Variants in ALKBH1 observed in about 807,000 individuals in gnomAD.
ALKBH1 encodes the protein alkB homolog 1, histone H2A dioxygenase, also known as nucleic acid dioxygenase ALKBH1.
A neutral mutation model predicts 36.6 loss-of-function variants in ALKBH1; 31 were observed. The observed-to-expected ratio is 0.85, with a 90% CI of 0.64 to 1.14. ALKBH1 has a LOEUF of 1.14. ALKBH1 is among the 50% of genes most tolerant of loss of function. ALKBH1 has a pLI of 0.00. For synonymous variants in ALKBH1, 183 were observed against 186.6 expected, an observed-to-expected ratio of 0.98 and a Z score of 0.16; for missense variants, 490 against 497.3, an observed-to-expected ratio of 0.99 and a Z score of 0.14.
intron 3 of ALKBH1, among the ~76,000 whole-genome samples, chr14:77,691,474 T>C (rs765034325): frequency 1.3e-5 from 2 of 152,190 alleles, no homozygotes; most frequent in Non-Finnish European, 2.9e-5. Context: ...TGCCAGGTAC[T>C]GTCCACATGA....
chr14:77,692,089 ACAAAATTAAGGC>A (rs1252359708), intron 3 of ALKBH1: 5 of 152,240 alleles, frequency 3.3e-5, no homozygotes, highest in Non-Finnish European at 7.3e-5. Context: ...TCTGAAAACT[ACAAAATTAAGGC>A]CACGTAACAC....
chr14:77,686,592 C>T (rs1417361941), intron 3 of ALKBH1, among the ~76,000 whole-genome samples: 3 of 152,084 alleles, frequency 2.0e-5, no homozygotes, highest in Admixed American at 6.6e-5. Flanking sequence ...CATGGGTAAG[C>T]GCCTTATGTA....
At chr14:77,700,590 GAAAAA>G (rs2080353970) in intron 2 of ALKBH1, among the ~76,000 whole-genome samples, 1 of 151,996 alleles carries the variant, frequency 6.6e-6, no homozygotes, top group Middle Eastern at 3.2e-3. Context: ...CAATATTATG[GAAAAA>G]GATAGGAAAC....
intron 3 of ALKBH1, among the ~76,000 whole-genome samples, chr14:77,694,239 C>A (rs1403699458): frequency 6.6e-6 from 1 of 152,148 alleles, no homozygotes; most frequent in Non-Finnish European, 1.5e-5. Flanking sequence ...ACACTACTGA[C>A]CCTCATTAAG....
chr14:77,680,683 T>C (rs867482261), intron 3 of ALKBH1, among the ~76,000 whole-genome samples: 9 of 148,720 alleles, frequency 6.1e-5, no homozygotes, highest in East Asian at 3.9e-4. Flanking sequence ...TACTCTTTTT[T>C]TTTTTTTTTT....
chr14:77,704,322 A>G (rs781660072), intron 2 of ALKBH1, 47 bp downstream of exon 2: 3 of 1,328,832 alleles, frequency 2.3e-6, no homozygotes, highest in Non-Finnish European at 2.2e-6. Context: ...ACATGAAGAC[A>G]TAAATGATTG....
At chr14:77,695,291 A>G (rs1344345040) in intron 2 of ALKBH1, among the ~76,000 whole-genome samples, 1 of 152,234 alleles carries the variant, frequency 6.6e-6, no homozygotes, top group Non-Finnish European at 1.5e-5. Context: ...TAGCTAAAAC[A>G]TAGATTTGAA....
chr14:77,694,718 T>A lies in ALKBH1; in HGVS notation c.455+20A>T. On this transcript the variant is annotated intron_variant, in intron 3 of 5. Coordinates refer to ENST00000216489, the MANE Select transcript of ALKBH1 (RefSeq NM_006020.3). ...ATCTGAGCTGAGTATTAACACTTCA[T>A]TCTGATTGACAAGACTTACCTCAGG... 2 of 1,564,632 alleles carry A rather than the reference T, an allele frequency of 1.3e-6. No homozygotes were observed. The highest frequency in any genetic ancestry group is 2.3e-5 in the East Asian group (1 of 43,732).
chr14:77,679,545 C>A (rs2080225151), intron 4 of ALKBH1, among the ~76,000 whole-genome samples: 1 of 152,148 alleles, frequency 6.6e-6, no homozygotes, highest in Non-Finnish European at 1.5e-5. Flanking sequence ...ATCCTCTCAC[C>A]TCAGCCTCTT....
chr14:77,683,149 CTTTT>C (rs34921168), intron 3 of ALKBH1: 59,238 of 403,756 alleles, frequency 0.15, 3,372 homozygotes, highest in African/African-American at 0.24. Flanking sequence ...GCTGTAAAGT[CTTTT>C]TTTTTTTTTT....
rs2080185702 is a variant in ALKBH1 at position 77,673,181 on chromosome 14, T to G, written c.*631A>C. ...AGACCGAAATGACATGTAGAGAAAC[T>G]AAATTCCCCTTTCCTTGGGTTTACC... is the stretch of plus-strand genomic sequence containing the variant. On this transcript the variant is annotated 3_prime_UTR_variant, in exon 6 of 6. Coordinates refer to ENST00000216489, the MANE Select transcript of ALKBH1 (RefSeq NM_006020.3). 6.6e-6 allele frequency: 1 copy of G among 152,250 alleles called. No homozygotes were observed. Among genetic ancestry groups the G allele is most frequent in the Admixed American group, 6.5e-5 (1 of 15,280 alleles). The allele number at this position is 152,250 out of a possible 1,614,324, so 9.4% of individuals were successfully genotyped here. A position where few individuals can be genotyped will look rare whatever the true frequency, so the allele number is the denominator to read the frequency against.
intron 1 of ALKBH1, among the ~76,000 whole-genome samples, chr14:77,706,385 T>C (rs1176923713): frequency 6.6e-6 from 1 of 152,218 alleles, no homozygotes; most frequent in Non-Finnish European, 1.5e-5. Flanking sequence ...AGAGGTGATG[T>C]TAGTGGACCT....
intron 1 of ALKBH1, among the ~76,000 whole-genome samples, chr14:77,706,798 T>C (rs865976542): frequency 2.6e-5 from 4 of 152,184 alleles, no homozygotes; most frequent in African/African-American, 4.8e-5. Flanking sequence ...AGACCACTTT[T>C]TTTCCCTAAC....
chr14:77,691,360 A>G (rs968023255), intron 3 of ALKBH1, among the ~76,000 whole-genome samples: 2 of 152,168 alleles, frequency 1.3e-5, no homozygotes, highest in African/African-American at 4.8e-5. Context: ...GTGGTTCTCA[A>G]TGTCAGAGGA....
At chr14:77,707,790 T>G in intron 1 of ALKBH1, 32 bp downstream of exon 1, 1 of 1,564,128 alleles carries the variant, frequency 6.4e-7, no homozygotes. Flanking sequence ...GGCAAAGCGA[T>G]GGAGAGACGC....
intron 3 of ALKBH1, among the ~76,000 whole-genome samples, chr14:77,682,409 AG>A (rs1239225074): frequency 2.6e-5 from 4 of 152,190 alleles, no homozygotes; most frequent in Non-Finnish European, 2.9e-5. Flanking sequence ...GTAGTTCCAG[AG>A]TTACATAAGC....
rs544929568 is a variant in ALKBH1 at position 77,705,735 on chromosome 14, G to GT, written c.184-1259dup. 1.9e-3 allele frequency among the ~76,000 whole-genome samples: 292 copies of GT among 152,248 alleles called. 1 individual carries two copies. The highest frequency in any genetic ancestry group is 6.6e-3 in the African/African-American group (276 of 41,554). On this transcript the variant is annotated intron_variant, in intron 1 of 5. Transcript: ENST00000216489. Reference sequence around the variant, plus strand: ...AAAAACCTTTATTCTTCCCTGAATAGTAAACCTAGGGTCTGCCTTGCCTTA... The same window carrying GT: ...AAAAACCTTTATTCTTCCCTGAATAGTTAAACCTAGGGTCTGCCTTGCCTTA...
intron 4 of ALKBH1, among the ~76,000 whole-genome samples, chr14:77,679,214 A>G (rs2080223338): frequency 6.6e-6 from 1 of 152,196 alleles, no homozygotes; most frequent in Admixed American, 6.6e-5. Flanking sequence ...ATAGAAAAAT[A>G]AGTGCTCTTG....
chr14:77,687,434 C>G (rs2080273881), intron 3 of ALKBH1, among the ~76,000 whole-genome samples: 1 of 152,172 alleles, frequency 6.6e-6, no homozygotes, highest in Non-Finnish European at 1.5e-5. Context: ...TAAGAATAGA[C>G]AATAAAAACA....
Sources: allele counts gnomAD v4.1 joint callset (sites outside exome capture counted in the v4.1 genomes callset), GRCh38; gene constraint gnomAD v4.1.1; transcripts MANE v1.5; gene names NCBI Gene and HGNC (gene_info 2026-07-23, HGNC 2026-07-21).